CSMD1: variants seen among roughly 807,000 people sequenced by gnomAD.
CSMD1 encodes the protein CUB and sushi domain-containing protein 1.
In CSMD1, 213 loss-of-function variants were observed where a neutral mutation model predicts 417.5. That is an observed-to-expected ratio of 0.51 (90% CI 0.46 to 0.57). CSMD1 has a LOEUF of 0.57. Among genes scored for constraint, CSMD1 ranks in the 20% least tolerant of loss-of-function variants. The probability of loss-of-function intolerance (pLI) is 0.00; values close to 1 mark genes in which losing one functional copy is unlikely to be tolerated. For synonymous variants in CSMD1, 2,862 were observed against 1,736.8 expected (o/e 1.65, Z -16.11); for missense variants, 6,923 against 4,529.7 (o/e 1.53, Z -15.17).
chr8:4,309,953 C>T (rs149405978), intron 3 of CSMD1, among the ~76,000 whole-genome samples: 9 of 152,238 alleles, frequency 5.9e-5, no homozygotes, highest in South Asian at 4.1e-4. Flanking sequence ...ATTATAGTTA[C>T]CCCTATTTTT....
intron 1 of CSMD1, among the ~76,000 whole-genome samples, chr8:4,645,777 T>G (rs146785896): frequency 6.6e-6 from 1 of 152,202 alleles, no homozygotes; most frequent in Non-Finnish European, 1.5e-5. Context: ...GGATTTGCCC[T>G]GTGCCTGCCT....
chr8:3,635,136 G>C (rs1277303793), intron 7 of CSMD1, among the ~76,000 whole-genome samples: 1 of 152,118 alleles, frequency 6.6e-6, no homozygotes. Flanking sequence ...TCAGTAAGTG[G>C]ACGGTGAGTG....
chr8:4,141,072 C>G (rs767032011), intron 3 of CSMD1, among the ~76,000 whole-genome samples: 1 of 151,120 alleles, frequency 6.6e-6, no homozygotes, highest in Non-Finnish European at 1.5e-5. Context: ...AAAATATCCC[C>G]CAAATCTACA....
chr8:3,691,655 G>A (rs894585939), intron 7 of CSMD1, among the ~76,000 whole-genome samples: 32 of 152,202 alleles, frequency 2.1e-4, no homozygotes, highest in Non-Finnish European at 2.5e-4. Flanking sequence ...ACCCTTTCGT[G>A]GCAGGCACTG....
At chr8:4,159,506 G>A (rs141021034) in intron 3 of CSMD1, among the ~76,000 whole-genome samples, 4 of 152,214 alleles carry the variant, frequency 2.6e-5, no homozygotes, top group African/African-American at 9.6e-5. Flanking sequence ...AAGAAACTGT[G>A]GTATATATAT....
At chr8:4,848,393 A>G (rs746326326) in intron 1 of CSMD1, among the ~76,000 whole-genome samples, 1 of 152,218 alleles carries the variant, frequency 6.6e-6, no homozygotes, top group Non-Finnish European at 1.5e-5. Flanking sequence ...GAGCTGAAAA[A>G]TTCCTATGAG....
chr8:3,478,856 A>G (rs1010230079), intron 11 of CSMD1, among the ~76,000 whole-genome samples: 19 of 152,156 alleles, frequency 1.2e-4, no homozygotes, highest in African/African-American at 4.6e-4. Flanking sequence ...AGCTATATAA[A>G]TGATCTCACC....
intron 10 of CSMD1, among the ~76,000 whole-genome samples, chr8:3,520,719 C>T (rs569772677): frequency 6.6e-6 from 1 of 151,996 alleles, no homozygotes; most frequent in Non-Finnish European, 1.5e-5. Context: ...GCATGGCTGC[C>T]CACCTTTTTT....
intron 9 of CSMD1, among the ~76,000 whole-genome samples, chr8:3,578,751 T>C (rs569347177): frequency 1.3e-5 from 2 of 152,160 alleles, no homozygotes; most frequent in African/African-American, 4.8e-5. Flanking sequence ...GACTGGACAA[T>C]TTCATAGCAT....
intron 5 of CSMD1, among the ~76,000 whole-genome samples, chr8:3,951,258 G>C (rs893932595): frequency 4.7e-4 from 72 of 152,322 alleles, no homozygotes; most frequent in African/African-American, 1.6e-3. Context: ...ACTGAGGCCA[G>C]AGTGGATTTC....
chr8:3,745,762 A>G (rs1797037013), intron 6 of CSMD1, among the ~76,000 whole-genome samples: 1 of 152,196 alleles, frequency 6.6e-6, no homozygotes, highest in African/African-American at 2.4e-5. Flanking sequence ...TCAATTTCAG[A>G]AGCCTGATTC....
chr8:3,312,099 CA>C (rs1312317300), intron 23 of CSMD1, among the ~76,000 whole-genome samples: 1 of 151,598 alleles, frequency 6.6e-6, no homozygotes, highest in African/African-American at 2.4e-5. Context: ...CACTCTTCTC[CA>C]AAAAAAACAA....
At chr8:3,084,168 T>C (rs1334566570) in intron 49 of CSMD1, among the ~76,000 whole-genome samples, 2 of 152,102 alleles carry the variant, frequency 1.3e-5, no homozygotes, top group African/African-American at 2.4e-5. Context: ...CAAAGTCTCT[T>C]TCTGTCATAT....
At chr8:4,835,334 C>G (rs1800414686) in intron 1 of CSMD1, among the ~76,000 whole-genome samples, 2 of 152,058 alleles carry the variant, frequency 1.3e-5, no homozygotes, top group Admixed American at 1.3e-4. Flanking sequence ...CCATGAGGGT[C>G]AATGCAAAGA....
chr8:4,044,702 A>C (rs1164400340), intron 3 of CSMD1, among the ~76,000 whole-genome samples: 5 of 35,416 alleles, frequency 1.4e-4, no homozygotes, highest in Non-Finnish European at 3.5e-4. Flanking sequence ...GGCTGCGTAC[A>C]ACCCTGGATG....
intron 1 of CSMD1, among the ~76,000 whole-genome samples, chr8:4,871,315 G>T (rs376735832): frequency 6.6e-6 from 1 of 152,026 alleles, no homozygotes; most frequent in South Asian, 2.1e-4. Context: ...CTTCTTTCAC[G>T]GATTTAGATT....
At chr8:3,805,403 A>G (rs570472888) in intron 5 of CSMD1, among the ~76,000 whole-genome samples, 200 of 152,266 alleles carry the variant, frequency 1.3e-3, no homozygotes, top group Non-Finnish European at 2.5e-3. Flanking sequence ...TGTAATCACA[A>G]GGAAAGAAGT....
chr8:4,515,851 C>G (rs932803270), intron 2 of CSMD1, among the ~76,000 whole-genome samples: 7 of 152,156 alleles, frequency 4.6e-5, no homozygotes, highest in Admixed American at 6.5e-5. Context: ...AGCTTTAGCT[C>G]ATAAGCCTGC....
At chr8:3,268,453 T>G (rs1801598026) in intron 26 of CSMD1, among the ~76,000 whole-genome samples, 1 of 151,916 alleles carries the variant, frequency 6.6e-6, no homozygotes, top group Non-Finnish European at 1.5e-5. Context: ...CACGCCCAGC[T>G]GATTTTTTTG....
Sources: gnomAD v4.1 joint callset for allele counts (sites outside exome capture counted in the v4.1 genomes callset) on GRCh38, gnomAD v4.1.1 for gene constraint, MANE v1.5 for transcripts, NCBI Gene and HGNC (gene_info 2026-07-23, HGNC 2026-07-21) for gene names.